The following SQOR variants were observed in gnomAD, a reference collection of about 807,000 sequenced individuals.
The protein encoded by SQOR is sulfide quinone oxidoreductase.
In SQOR, 39 loss-of-function variants were observed where a neutral mutation model predicts 48.6. That is an observed-to-expected ratio of 0.80 (90% CI 0.62 to 1.05). The LOEUF (loss-of-function observed/expected upper bound fraction) is 1.05, where lower values mean the gene tolerates loss of function less well. Ranked by LOEUF, SQOR falls within the 50% of genes least tolerant of loss-of-function variation. The probability of loss-of-function intolerance (pLI) is 0.00; values close to 1 mark genes in which losing one functional copy is unlikely to be tolerated. For missense variants in SQOR, 561 were observed against 559.9 expected (o/e 1.00, Z -0.02); for synonymous variants, 220 against 206.2 (o/e 1.07, Z -0.57).
chr15:45,659,168 C>A lies in SQOR; in HGVS notation c.234+11C>A. On this transcript the variant is annotated intron_variant, in intron 2 of 9. Transcript: ENST00000260324. ...GTTGAGCCCAGTGAGGTAAGCCTCC[C>A]CTTTTGAGGGCCTGGGTGTGTGTGT... is the stretch of plus-strand genomic sequence containing the variant. 6.7e-7 allele frequency: 1 copy of A among 1,502,520 alleles called. No homozygotes were observed. 93.1% of individuals were successfully genotyped at this position (1,502,520 alleles called of 1,614,324 possible). A position where few individuals can be genotyped will look rare whatever the true frequency, so the allele number is the denominator to read the frequency against.
intron 1 of SQOR, among the ~76,000 whole-genome samples, chr15:45,658,543 G>A (rs1186201223): frequency 1.3e-5 from 2 of 152,016 alleles, no homozygotes; most frequent in Non-Finnish European, 2.9e-5. Context: ...TGCCTCCGTG[G>A]AGAATGGGCC....
chr15:45,673,663 T>G lies in SQOR; in HGVS notation c.516T>G (p.Val172=). ...CCAAAATAGGGTCGAATTATTCAGT[T>G]AAGACTGTAGAGAAGACATGGAAAG... ...AHPKIGSNYS[V]KTVEKTWKAL... is the part of the protein sequence containing the mutation. Residue 172 remains valine (V), a synonymous_variant, in exon 5 of 10, where the codon GTT becomes GTG. Coordinates refer to ENST00000260324, the MANE Select transcript of SQOR (RefSeq NM_021199.4). 6.2e-7 allele frequency: 1 copy of G among 1,614,234 alleles called. No individual in the cohort carries two copies. Among genetic ancestry groups the G allele is most frequent in the Non-Finnish European group, 8.5e-7 (1 of 1,180,032 alleles).
intron 7 of SQOR, among the ~76,000 whole-genome samples, chr15:45,685,358 G>C (rs910659896): frequency 6.6e-6 from 1 of 152,020 alleles, no homozygotes; most frequent in Non-Finnish European, 1.5e-5. Flanking sequence ...CCAATCCTCT[G>C]TTCAGACCCT....
chr15:45,658,992 C>T lies in SQOR; in HGVS notation c.69C>T (p.Gly23=). 1 of 1,602,214 alleles carries T rather than the reference C, an allele frequency of 6.2e-7. No individual in the cohort carries two copies. The highest frequency in any genetic ancestry group is 8.5e-7 in the Non-Finnish European group (1 of 1,174,390). The stretch of plus-strand genomic sequence containing the variant: ...TCTTTGCCTGCCTGCTCAGGCTGGG[C>T]ACTCAGCAGGTCGGCCCCCTTCAGC... ...AQLFACLLRL[G]TQQVGPLQLH... The change falls in exon 2 of 10, where the codon GGC becomes GGT. Residue 23 remains glycine (G), a synonymous_variant. Coordinates refer to ENST00000260324, the MANE Select transcript of SQOR (RefSeq NM_021199.4).
Position 45,644,018 on chromosome 15 carries a change from C to A in SQOR, c.-18+8910C>A, listed in dbSNP as rs144700975. On this transcript the variant is annotated intron_variant, in intron 1 of 9. Transcript: ENST00000260324. ...TATAAAAATTTAGCTCAATCACCCA[C>A]AAATTGTAACATTCTTCGGTACTAT... Among the ~76,000 whole-genome samples, 527 of 152,280 alleles carry A rather than the reference C, an allele frequency of 3.5e-3. 5 individuals are homozygous for A. The highest frequency in any genetic ancestry group is 0.012 in the African/African-American group (485 of 41,556).
chr15:45,658,570 C>G (rs1889657775), intron 1 of SQOR, among the ~76,000 whole-genome samples: 1 of 152,098 alleles, frequency 6.6e-6, no homozygotes, highest in Non-Finnish European at 1.5e-5. Context: ...TGGATACAAC[C>G]AGATGGTGCC....
chr15:45,638,486 G>T (rs1032196226), intron 1 of SQOR, among the ~76,000 whole-genome samples: 14 of 152,156 alleles, frequency 9.2e-5, no homozygotes, highest in Non-Finnish European at 1.9e-4. Flanking sequence ...ACTTTGGGAG[G>T]CCGAGGTAAG....
Position 45,676,249 on chromosome 15 carries a change from C to G in SQOR, c.803C>G (p.Ala268Gly). 6.2e-7 allele frequency: 1 copy of G among 1,614,080 alleles called. No individual in the cohort carries two copies. The highest frequency in any genetic ancestry group is 1.7e-5 in the Admixed American group (1 of 60,012). ...AAGAAAAACCTCATTGAAGTCCGAGCCGATAAACAAGAGGCTGTATTTGAG... is the reference window on the plus strand; with the variant it reads ...AAGAAAAACCTCATTGAAGTCCGAGGCGATAAACAAGAGGCTGTATTTGAG... ...NYKKNLIEVRADKQEAVFENL... is the reference protein window; with the variant it reads ...NYKKNLIEVRGDKQEAVFENL... The change falls in exon 6 of 10, where the codon GCC becomes GGC. Residue 268 changes from alanine to glycine, a missense_variant. By Grantham distance (60) the Ala-to-Gly change is moderately conservative. Transcript: ENST00000260324.
intron 4 of SQOR, among the ~76,000 whole-genome samples, chr15:45,670,442 T>G (rs1157929782): frequency 1.3e-5 from 2 of 152,144 alleles, no homozygotes; most frequent in Non-Finnish European, 2.9e-5. Context: ...GGGTTTTTAG[T>G]GTGAAGTAAC....
intron 7 of SQOR, among the ~76,000 whole-genome samples, chr15:45,688,102 G>A (rs1262771595): frequency 6.6e-6 from 1 of 152,212 alleles, no homozygotes; most frequent in Non-Finnish European, 1.5e-5. Context: ...CAGCCACACT[G>A]GAGGGAGTCG....
intron 6 of SQOR, among the ~76,000 whole-genome samples, chr15:45,681,587 T>A (rs1346530063): frequency 2.0e-5 from 3 of 152,222 alleles, no homozygotes; most frequent in African/African-American, 7.2e-5. Flanking sequence ...TGTCTTCAAC[T>A]GCTTAAGTTT....
rs777578030 is a variant in SQOR at position 45,673,757 on chromosome 15, GC to G, written c.614del (p.Pro205LeufsTer82). On this transcript the variant is annotated frameshift_variant, in exon 5 of 10. Transcript: ENST00000260324. LOFTEE classifies it high-confidence loss of function. ...AAATACTCCAGTGAAGTGTGCTGGA[GC>G]CCCTCAGAAGATCATGTACTTATCA... ...FPNTPVKCAG[A>X]PQKIMYLSEA... 6.2e-7 allele frequency: 1 copy of G among 1,614,156 alleles called. No individual in the cohort carries two copies. Among genetic ancestry groups the G allele is most frequent in the Non-Finnish European group, 8.5e-7 (1 of 1,180,020 alleles).
intron 3 of SQOR, among the ~76,000 whole-genome samples, chr15:45,662,591 C>T (rs1396086003): frequency 1.3e-5 from 2 of 152,208 alleles, no homozygotes; most frequent in Admixed American, 1.3e-4. Flanking sequence ...TCCTGTGACT[C>T]TGAGGTTCAT....
intron 3 of SQOR, among the ~76,000 whole-genome samples, chr15:45,663,897 GT>G (rs1390696520): frequency 6.6e-6 from 1 of 152,232 alleles, no homozygotes; most frequent in East Asian, 1.9e-4. Context: ...GCCAGGTGCA[GT>G]TTTAGGCATT....
intron 7 of SQOR, 148 bp downstream of exon 7, chr15:45,682,809 T>C: frequency 4.5e-6 from 4 of 890,012 alleles, no homozygotes; most frequent in Non-Finnish European, 6.7e-6. Context: ...AGGCAGGTCA[T>C]TTGAGGCCAG....
intron 4 of SQOR, among the ~76,000 whole-genome samples, chr15:45,672,347 C>T (rs1889959826): frequency 6.6e-6 from 1 of 151,996 alleles, no homozygotes; most frequent in Non-Finnish European, 1.5e-5. Context: ...ACTTTGAAAA[C>T]ATTTAAATGC....
intron 7 of SQOR, among the ~76,000 whole-genome samples, chr15:45,686,767 G>A (rs1001118428): frequency 3.3e-5 from 5 of 152,168 alleles, no homozygotes; most frequent in African/African-American, 1.2e-4. Flanking sequence ...TTCCTCAAAC[G>A]TGAATCCCAT....
chr15:45,640,156 C>T (rs977795348), intron 1 of SQOR, among the ~76,000 whole-genome samples: 3 of 152,208 alleles, frequency 2.0e-5, no homozygotes, highest in African/African-American at 7.2e-5. Flanking sequence ...TCCAGACCTG[C>T]TTATTAAAGC....
chr15:45,662,316 A>G (rs1255158634), intron 3 of SQOR, among the ~76,000 whole-genome samples, 191 bp downstream of exon 3: 1 of 152,198 alleles, frequency 6.6e-6, no homozygotes, highest in Non-Finnish European at 1.5e-5. Context: ...GGACTGAGTG[A>G]TATTGAGTTA....
Sources: gnomAD v4.1 joint callset for allele counts (sites outside exome capture counted in the v4.1 genomes callset) on GRCh38, gnomAD v4.1.1 for gene constraint, MANE v1.5 for transcripts, NCBI Gene and HGNC (gene_info 2026-07-23, HGNC 2026-07-21) for gene names.